TRHDE: variants seen among roughly 807,000 people sequenced by gnomAD.
The protein encoded by TRHDE is thyrotropin releasing hormone degrading enzyme, also known as thyrotropin-releasing hormone-degrading ectoenzyme.
A neutral mutation model predicts 125.7 loss-of-function variants in TRHDE; 72 were observed. That is an observed-to-expected ratio of 0.57 (90% CI 0.47 to 0.70). The LOEUF is 0.70. Among genes scored for constraint, TRHDE ranks in the 30% least tolerant of loss-of-function variants. The pLI is 0.00. For synonymous variants in TRHDE, 509 were observed against 509.1 expected, an observed-to-expected ratio of 1.00 and a Z score of 0.00; for missense variants, 1,110 against 1,327.1, an observed-to-expected ratio of 0.84 and a Z score of 2.54.
chr12:72,223,451 A>G (rs1878040157), intron 2 of TRHDE, among the ~76,000 whole-genome samples: 1 of 152,178 alleles, frequency 6.6e-6, no homozygotes, highest in African/African-American at 2.4e-5. Context: ...AGGGAAGAGC[A>G]TCTTTTCCCA....
At chr12:72,165,819 C>T (rs978764804) in intron 2 of TRHDE, among the ~76,000 whole-genome samples, 14 of 151,896 alleles carry the variant, frequency 9.2e-5, no homozygotes, top group East Asian at 5.8e-4. Flanking sequence ...GGACTACAGG[C>T]GCCCGCCACC....
intron 2 of TRHDE, among the ~76,000 whole-genome samples, chr12:72,338,743 T>TGG (rs1188906831): frequency 1.3e-5 from 2 of 152,174 alleles, no homozygotes; most frequent in Middle Eastern, 3.2e-3. Flanking sequence ...TGATGTAACT[T>TGG]AAGTCCACGG....
At chr12:72,168,899 T>C (rs1876811381) in intron 2 of TRHDE, among the ~76,000 whole-genome samples, 1 of 152,216 alleles carries the variant, frequency 6.6e-6, no homozygotes, top group South Asian at 2.1e-4. Flanking sequence ...CTAATTTTGA[T>C]TCTTTCTTAG....
rs184532948 is a variant in TRHDE, at chr12:72,565,381, T to A, written c.2042+2341T>A. On this transcript the variant is annotated intron_variant, in intron 9 of 18. Transcript: ENST00000261180. ...AGAATCCAGTAATTATATTTTTATA[T>A]GTAATAGTTGTATTACAACATAGAA... Among the ~76,000 whole-genome samples, 13 of 152,342 alleles carry A rather than the reference T, an allele frequency of 8.5e-5. No homozygotes were observed. In the East Asian group the frequency reaches 1.2e-3, roughly 14 times the overall value.
intron 15 of TRHDE, among the ~76,000 whole-genome samples, chr12:72,635,272 A>G (rs554361884): frequency 5.9e-4 from 90 of 152,040 alleles, no homozygotes; most frequent in African/African-American, 2.1e-3. Flanking sequence ...GCATTTTTTC[A>G]TGTGTTTTTT....
At chr12:72,136,046 T>C (rs1224560787) in intron 2 of TRHDE, among the ~76,000 whole-genome samples, 1 of 152,164 alleles carries the variant, frequency 6.6e-6, no homozygotes, top group Non-Finnish European at 1.5e-5. Flanking sequence ...ATTTGGACCA[T>C]GAATATGTAG....
upstream of TRHDE, among the ~76,000 whole-genome samples, chr12:72,270,552 T>A (rs1879173041): frequency 6.6e-6 from 1 of 152,246 alleles, no homozygotes; most frequent in East Asian, 1.9e-4. Context: ...ACCAGTTCTT[T>A]TTGTAAGAAA....
At chr12:72,493,930 T>C (rs1877794496) in intron 5 of TRHDE, among the ~76,000 whole-genome samples, 1 of 151,988 alleles carries the variant, frequency 6.6e-6, no homozygotes, top group African/African-American at 2.4e-5. Context: ...TGAACCTACT[T>C]CCATTTTTAC....
rs1870948243 is a variant in TRHDE at position 72,575,484 on chromosome 12, C to T, written c.2266-3C>T. 9 of 1,613,664 alleles carry T rather than the reference C, an allele frequency of 5.6e-6. No homozygotes were observed. The highest frequency in any genetic ancestry group is 6.8e-6 in the Non-Finnish European group (8 of 1,179,726). ...TCCTATTATTTTTTCTAATTGGCCT[C>T]AGGTTCTTTCTGTCAGTAACCGAGC... On this transcript the variant is annotated splice_region_variant and splice_polypyrimidine_tract_variant and intron_variant, in intron 11 of 18. Coordinates refer to ENST00000261180, the MANE Select transcript of TRHDE (RefSeq NM_013381.3).
intron 10 of TRHDE, among the ~76,000 whole-genome samples, chr12:72,571,458 G>A (rs1196552955): frequency 6.6e-6 from 1 of 152,090 alleles, no homozygotes; most frequent in Admixed American, 6.6e-5. Context: ...CTATATTCTT[G>A]TCAGTTCAAT....
intron 2 of TRHDE, among the ~76,000 whole-genome samples, chr12:72,366,255 A>G (rs1226466579): frequency 1.3e-5 from 2 of 152,074 alleles, no homozygotes; most frequent in Non-Finnish European, 2.9e-5. Context: ...CCACACACAT[A>G]TTTAGAAAAA....
At chr12:72,556,516 C>G (rs912190348) in intron 7 of TRHDE, among the ~76,000 whole-genome samples, 2 of 152,202 alleles carry the variant, frequency 1.3e-5, no homozygotes, top group African/African-American at 4.8e-5. Context: ...AGGCACTACT[C>G]TTTTAGGATT....
At chr12:72,567,718 C>T (rs371856106) in intron 9 of TRHDE, among the ~76,000 whole-genome samples, 28 of 151,878 alleles carry the variant, frequency 1.8e-4, no homozygotes, top group Middle Eastern at 3.4e-3. Flanking sequence ...CTATTGATAA[C>T]GGTGAAATGA....
intron 5 of TRHDE, among the ~76,000 whole-genome samples, chr12:72,482,939 G>T (rs1439584292): frequency 7.0e-6 from 1 of 142,644 alleles, no homozygotes; most frequent in Non-Finnish European, 1.5e-5. Context: ...TCTTTAGAGA[G>T]ATGACAGGAC....
At chr12:72,125,530 C>T (rs1016393662) in intron 2 of TRHDE, among the ~76,000 whole-genome samples, 5 of 152,144 alleles carry the variant, frequency 3.3e-5, no homozygotes, top group Non-Finnish European at 7.3e-5. Context: ...TTTAATACTC[C>T]TTTATCCCTC....
chr12:72,506,531 C>T (rs1371979579), intron 6 of TRHDE, among the ~76,000 whole-genome samples: 1 of 152,120 alleles, frequency 6.6e-6, no homozygotes, highest in Non-Finnish European at 1.5e-5. Context: ...ATTTTTAACT[C>T]ATTTTACTGA....
chr12:72,612,539 C>A (rs1872669284), intron 12 of TRHDE, among the ~76,000 whole-genome samples: 1 of 152,080 alleles, frequency 6.6e-6, no homozygotes, highest in Non-Finnish European at 1.5e-5. Context: ...TACTCATTAG[C>A]CATGTGAGCT....
chr12:72,436,709 A>G (rs1874762500), intron 3 of TRHDE, among the ~76,000 whole-genome samples: 1 of 151,924 alleles, frequency 6.6e-6, no homozygotes, highest in African/African-American at 2.4e-5. Context: ...TCATTGACGT[A>G]CTGAAGAACC....
chr12:72,241,673 T>A (rs1344795200), intron 2 of TRHDE, among the ~76,000 whole-genome samples: 2 of 152,170 alleles, frequency 1.3e-5, no homozygotes, highest in Non-Finnish European at 2.9e-5. Context: ...GGACTAGGAT[T>A]AATGGCCATA....
Sources: allele counts gnomAD v4.1 joint callset (sites outside exome capture counted in the v4.1 genomes callset), GRCh38; gene constraint gnomAD v4.1.1; transcripts MANE v1.5; gene names NCBI Gene and HGNC (gene_info 2026-07-23, HGNC 2026-07-21).